Variants in AZIN2 observed in about 807,000 individuals in gnomAD.
The protein encoded by AZIN2 is antizyme inhibitor 2.
A neutral mutation model predicts 47.8 loss-of-function variants in AZIN2; 28 were observed. That is an observed-to-expected ratio of 0.59 (90% CI 0.43 to 0.80). AZIN2 has a LOEUF of 0.80. Ranked by LOEUF, AZIN2 falls within the 30% of genes least tolerant of loss-of-function variation. The probability of loss-of-function intolerance (pLI) is 0.00; values close to 1 mark genes in which losing one functional copy is unlikely to be tolerated. For missense variants in AZIN2, 535 were observed against 582.5 expected, an observed-to-expected ratio of 0.92 and a Z score of 0.84; for synonymous variants, 221 against 239.4, an observed-to-expected ratio of 0.92 and a Z score of 0.71.
intron 10 of AZIN2, among the ~76,000 whole-genome samples, chr1:33,117,551 T>A (rs1181680468): frequency 6.6e-6 from 1 of 152,230 alleles, no homozygotes; most frequent in Non-Finnish European, 1.5e-5. Flanking sequence ...CTGTTCTACA[T>A]GCTCTCCATA....
chr1:33,115,665 T>C (rs1644507021), intron 10 of AZIN2, among the ~76,000 whole-genome samples: 1 of 152,142 alleles, frequency 6.6e-6, no homozygotes, highest in African/African-American at 2.4e-5. Context: ...ATCACACCAC[T>C]ACACTCCAGC....
chr1:33,165,594 G>T, the AZIN2 span: 1 of 1,577,732 alleles, frequency 6.3e-7, no homozygotes, highest in African/African-American at 1.3e-5. The surrounding 1 kb of genome is among the most constrained non-coding windows in gnomAD (Gnocchi z 4.0). Flanking sequence ...CCGGGATGGG[G>T]GCAGGGGCCA....
At chr1:33,133,387 T>A in the AZIN2 span, among the ~76,000 whole-genome samples, 138 of 152,338 alleles carry the variant, frequency 9.1e-4, no homozygotes, top group Non-Finnish European at 1.8e-3. Context: ...TTCCTGGGTG[T>A]TTTGCACAAT....
chr1:33,164,955 AT>A, the AZIN2 span: 104,865 of 124,898 alleles, frequency 0.84, 44,154 homozygotes, highest in Middle Eastern at 0.95. Context: ...GCTATATTCA[AT>A]TTTTTTTTTT....
the AZIN2 span, among the ~76,000 whole-genome samples, chr1:33,153,188 C>T: frequency 2.0e-5 from 3 of 152,278 alleles, no homozygotes; most frequent in African/African-American, 7.2e-5. Context: ...TCCCTGGGGG[C>T]ACCCCTCCCA....
intron 10 of AZIN2, among the ~76,000 whole-genome samples, chr1:33,104,130 G>A (rs557168700): frequency 1.6e-4 from 24 of 152,200 alleles, no homozygotes; most frequent in African/African-American, 5.5e-4. Context: ...TGATCTGCCC[G>A]CCTCGGCCTC....
intron 5 of AZIN2, among the ~76,000 whole-genome samples, chr1:33,091,791 A>G (rs1431343392): frequency 6.6e-6 from 1 of 152,216 alleles, no homozygotes; most frequent in East Asian, 1.9e-4. Context: ...TCTACTCTGT[A>G]TTCATTCTGA....
chr1:33,117,636 C>G (rs532736812), intron 10 of AZIN2, among the ~76,000 whole-genome samples: 1 of 152,336 alleles, frequency 6.6e-6, no homozygotes, highest in African/African-American at 2.4e-5. Context: ...AATGAGCAAA[C>G]TGAGACATGG....
Position 33,094,328 on chromosome 1 carries a change from G to A in AZIN2, c.588-220G>A, listed in dbSNP as rs75503566. 3.5e-3 allele frequency among the ~76,000 whole-genome samples: 537 copies of A among 152,334 alleles called. 22 individuals carry two copies. In the East Asian group the frequency reaches 0.091, roughly 26 times the overall value. ...TCTCATCCCAGAAGGAGGGATGGGA[G>A]GAGCACCAAGTGCCAGGAGCCCTTG... On this transcript the variant is annotated intron_variant, in intron 7 of 11. Coordinates refer to ENST00000294517, the MANE Select transcript of AZIN2 (RefSeq NM_052998.4).
At chr1:33,158,653 C>T in the AZIN2 span, among the ~76,000 whole-genome samples, 2 of 152,192 alleles carry the variant, frequency 1.3e-5, no homozygotes, top group African/African-American at 4.8e-5. Flanking sequence ...TGCTCGGTCA[C>T]GGTCAATGCC....
the AZIN2 span, chr1:33,165,513 G>A: frequency 5.6e-6 from 9 of 1,610,402 alleles, no homozygotes; most frequent in African/African-American, 8.0e-5. The surrounding 1 kb of genome is among the most constrained non-coding windows in gnomAD (Gnocchi z 4.0). Flanking sequence ...GCAGCGCTTC[G>A]GTGTGTTCCC....
downstream of AZIN2, among the ~76,000 whole-genome samples, chr1:33,123,781 G>A (rs190043823): frequency 1.7e-4 from 26 of 152,286 alleles, no homozygotes; most frequent in Admixed American, 1.1e-3. Context: ...GGCGGATCAC[G>A]AGGTCAGGAG....
intron 6 of AZIN2, among the ~76,000 whole-genome samples, chr1:33,092,928 A>G (rs951986086): frequency 1.3e-5 from 2 of 152,196 alleles, no homozygotes; most frequent in Admixed American, 6.5e-5. Context: ...AGCAGCTTCC[A>G]TCGTATTAAT....
chr1:33,104,644 G>T (rs1643910933), intron 10 of AZIN2, among the ~76,000 whole-genome samples: 1 of 152,072 alleles, frequency 6.6e-6, no homozygotes, highest in Non-Finnish European at 1.5e-5. Context: ...ATTCAGAGAT[G>T]ACTATTGTTA....
intron 9 of AZIN2, 38 bp downstream of exon 9, chr1:33,096,907 T>C (rs1195255702): frequency 6.2e-7 from 1 of 1,612,934 alleles, no homozygotes; most frequent in Non-Finnish European, 8.5e-7. Flanking sequence ...TGTTCTCCCC[T>C]GAAGCTTCAG....
At chr1:33,085,322 T>C (rs944669139) in intron 5 of AZIN2, among the ~76,000 whole-genome samples, 5 of 151,750 alleles carry the variant, frequency 3.3e-5, no homozygotes, top group African/African-American at 4.8e-5. Context: ...AAGTAAGGAA[T>C]GTTGGGAGAG....
intron 10 of AZIN2, among the ~76,000 whole-genome samples, chr1:33,111,093 G>A (rs1008918232): frequency 2.0e-5 from 3 of 152,256 alleles, no homozygotes; most frequent in Non-Finnish European, 2.9e-5. Flanking sequence ...TGCTGAGTGG[G>A]GGAGAATCTT....
intron 4 of AZIN2, 73 bp downstream of exon 4, chr1:33,082,427 AG>A: frequency 9.3e-7 from 1 of 1,077,002 alleles, no homozygotes; most frequent in Admixed American, 2.5e-5. Flanking sequence ...AAGGGTCCCT[AG>A]GGCCCTCATC....
rs1318692644 is a variant in AZIN2, at chr1:33,092,068, C to A, written c.298C>A (p.Gln100Lys). ...CANKAEMELV[Q>K]HIGIPASKII... ...CCCATAGGCAGAGATGGAGTTGGTCCAGCATATTGGAATCCCTGCCAGTAA... is the reference window on the plus strand; with the variant it reads ...CCCATAGGCAGAGATGGAGTTGGTCAAGCATATTGGAATCCCTGCCAGTAA... Residue 100 changes from glutamine (Q) to lysine (K), a missense_variant, in exon 6 of 12, where the codon CAG (glutamine) becomes AAG (lysine). Transcript: ENST00000294517. The A allele has an allele frequency of 1.2e-6, 2 of 1,614,010 alleles. No individual in the cohort carries two copies. Among genetic ancestry groups the A allele is most frequent in the Admixed American group, 3.3e-5 (2 of 60,016 alleles).
Sources: allele counts gnomAD v4.1 joint callset (sites outside exome capture counted in the v4.1 genomes callset), GRCh38; gene constraint gnomAD v4.1.1; non-coding constraint Gnocchi (gnomAD v3.1); transcripts MANE v1.5; gene names NCBI Gene and HGNC (gene_info 2026-07-23, HGNC 2026-07-21).